The following MBP variants were observed in gnomAD, a reference collection of about 807,000 sequenced individuals.
The protein encoded by MBP is myelin basic protein, also known as Golli-MBP.
MBP carries 16 observed loss-of-function variants against 35.8 expected under a neutral mutation model. The observed-to-expected ratio is 0.45, with a 90% CI of 0.30 to 0.68. MBP has a LOEUF of 0.68. MBP is among the 30% of genes least tolerant of loss of function. The pLI is 0.08. For synonymous variants in MBP, 143 were observed against 159.6 expected, an observed-to-expected ratio of 0.90 and a Z score of 0.78; for missense variants, 380 against 404.7, an observed-to-expected ratio of 0.94 and a Z score of 0.52.
At position 77,030,491 on chromosome 18, in the gene MBP, C is replaced by T. The variant is rs150699998; in HGVS notation, c.140-13223G>A. On this transcript the variant is annotated intron_variant, in intron 3 of 8. Transcript: ENST00000355994. The stretch of plus-strand genomic sequence containing the variant: ...TTGGAGCAGGACGGCCCTGTGGTAC[C>T]GGTACATGGAACAATTTTCTCTGAC... Among the ~76,000 whole-genome samples the T allele has an allele frequency of 1.3e-3, 202 of 152,270 alleles. 2 individuals carry two copies. Among genetic ancestry groups the T allele is most frequent in the African/African-American group, 3.8e-3 (156 of 41,540 alleles).
chr18:76,986,392 G>A (rs1969559963), intron 7 of MBP: 20 of 985,528 alleles, frequency 2.0e-5, no homozygotes, highest in Non-Finnish European at 2.4e-5. Context: ...TTAGAGGTGA[G>A]GAAGATGACA....
intron 1 of MBP, among the ~76,000 whole-genome samples, chr18:77,129,434 C>T (rs757207328): frequency 1.3e-5 from 2 of 152,356 alleles, no homozygotes; most frequent in African/African-American, 4.8e-5. Flanking sequence ...GTCCTACAGA[C>T]GTCCCACAAA....
intron 4 of MBP, among the ~76,000 whole-genome samples, chr18:77,001,898 C>T (rs1266273422): frequency 6.6e-6 from 1 of 152,136 alleles, no homozygotes; most frequent in African/African-American, 2.4e-5. Context: ...TGCTCATCTA[C>T]ACCCTCCCCT....
At position 77,077,905 on chromosome 18, in the gene MBP, A is replaced by G. The variant is rs571114778; in HGVS notation, c.52-11520T>C. Among the ~76,000 whole-genome samples, 8 of 152,326 alleles carry G rather than the reference A, an allele frequency of 5.3e-5. No individual in the cohort carries two copies. The South Asian group carries it at 1.7e-3, about 32-fold the overall frequency. ...GAGAGTGCAGGTCTTATATTTGCCA[A>G]TTTCTAGACTGAGGTCAAGAGACAG... is the stretch of plus-strand genomic sequence containing the variant. On this transcript the variant is annotated intron_variant, in intron 2 of 8. Coordinates refer to ENST00000355994, the MANE Select transcript of MBP (RefSeq NM_001025101.2).
At chr18:77,006,053 A>G (rs992750233) in intron 4 of MBP, 1 of 152,276 alleles carries the variant, frequency 6.6e-6, no homozygotes, top group African/African-American at 2.4e-5. Flanking sequence ...CAGTGCCATG[A>G]GACCTGAGCC....
chr18:76,995,983 C>G (rs1186754140), intron 4 of MBP, among the ~76,000 whole-genome samples: 1 of 152,176 alleles, frequency 6.6e-6, no homozygotes, highest in Non-Finnish European at 1.5e-5. Flanking sequence ...GCTCTCAAGA[C>G]TCAACCAGAA....
chr18:77,026,677 G>A (rs767941828), intron 3 of MBP, among the ~76,000 whole-genome samples: 3 of 152,122 alleles, frequency 2.0e-5, no homozygotes, highest in Non-Finnish European at 2.9e-5. Flanking sequence ...ACAACCCTGA[G>A]CAACGCAGCA....
intron 2 of MBP, chr18:77,097,504 G>C (rs1473581555): frequency 6.6e-6 from 1 of 152,304 alleles, no homozygotes; most frequent in Admixed American, 6.5e-5. Context: ...TGAGCTTCCA[G>C]GATTCAAGAG....
In MBP at chr18:77,015,562, G is replaced by A. The variant is rs140658405; in HGVS notation, c.576+1270C>T. 5.2e-5 allele frequency: 51 copies of A among 985,400 alleles called. No homozygotes were observed. The African/African-American group carries it at 8.0e-4, about 15-fold the overall frequency. The allele number at this position is 985,400 out of a possible 1,614,324, so 61.0% of individuals were successfully genotyped here. On this transcript the variant is annotated intron_variant, in intron 4 of 8. Transcript: ENST00000355994. ...GAATATGAATTCCATTAGTATCTAA[G>A]ACACACAAAATGTCATTTACAAATA...
intron 2 of MBP, among the ~76,000 whole-genome samples, chr18:77,098,711 T>C (rs1437629146): frequency 6.6e-6 from 1 of 152,176 alleles, no homozygotes; most frequent in Non-Finnish European, 1.5e-5. Flanking sequence ...CCGTAAGGGC[T>C]TGGGAGGGCT....
chr18:77,124,182 C>T (rs76886035), intron 1 of MBP, among the ~76,000 whole-genome samples: 1 of 152,280 alleles, frequency 6.6e-6, no homozygotes, highest in Non-Finnish European at 1.5e-5. Flanking sequence ...CTGCCTCCCC[C>T]TCATCTCTGC....
intron 2 of MBP, chr18:77,097,108 C>G (rs1054916515): frequency 6.6e-6 from 1 of 152,338 alleles, no homozygotes; most frequent in East Asian, 1.9e-4. Flanking sequence ...CTTCCACGGA[C>G]ACCCCCCCAC....
intron 4 of MBP, among the ~76,000 whole-genome samples, chr18:76,994,294 T>G (rs1970145692): frequency 6.6e-6 from 1 of 152,262 alleles, no homozygotes; most frequent in Non-Finnish European, 1.5e-5. Flanking sequence ...TCCATTTCTC[T>G]ACATGCTGAA....
At chr18:77,062,887 C>T (rs535079431) in intron 3 of MBP, among the ~76,000 whole-genome samples, 32 of 152,300 alleles carry the variant, frequency 2.1e-4, no homozygotes, top group Middle Eastern at 3.4e-3. Flanking sequence ...GCGTGTCCTG[C>T]AGAGTGGTTA....
chr18:77,015,499 AAAGAAC>A, intron 4 of MBP: 4 of 985,454 alleles, frequency 4.1e-6, no homozygotes, highest in Non-Finnish European at 4.8e-6. Context: ...CTACAAAGGA[AAAGAAC>A]ATGTCTACAA....
chr18:77,002,358 C>T (rs553749374), intron 4 of MBP, among the ~76,000 whole-genome samples: 14 of 152,312 alleles, frequency 9.2e-5, no homozygotes, highest in South Asian at 2.1e-4. Flanking sequence ...CAGAATGACA[C>T]GTTAGAAAAA....
chr18:77,071,612 T>G (rs1385132081), intron 2 of MBP, among the ~76,000 whole-genome samples: 4 of 152,052 alleles, frequency 2.6e-5, no homozygotes, highest in Admixed American at 1.3e-4. Context: ...AAGCCTTGAG[T>G]GGAGAATCAC....
At chr18:77,075,308 G>C (rs958580787) in intron 2 of MBP, among the ~76,000 whole-genome samples, 3 of 152,178 alleles carry the variant, frequency 2.0e-5, no homozygotes, top group Non-Finnish European at 2.9e-5. Context: ...TTTTGTTATA[G>C]CTAACATTAA....
chr18:77,013,274 A>G, intron 4 of MBP: 1 of 985,396 alleles, frequency 1.0e-6, no homozygotes, highest in South Asian at 4.7e-5. Flanking sequence ...CTCACGATGA[A>G]TGAGATTGAA....
Sources: gnomAD v4.1 joint callset for allele counts (sites outside exome capture counted in the v4.1 genomes callset) on GRCh38, gnomAD v4.1.1 for gene constraint, MANE v1.5 for transcripts, NCBI Gene and HGNC (gene_info 2026-07-23, HGNC 2026-07-21) for gene names.